The following GRIN2A variants were observed in gnomAD, a reference collection of about 807,000 sequenced individuals.
GRIN2A encodes the protein glutamate ionotropic receptor NMDA type subunit 2A, also known as glutamate receptor ionotropic, NMDA 2A.
A neutral mutation model predicts 113.4 loss-of-function variants in GRIN2A; 22 were observed. That is an observed-to-expected ratio of 0.19 (90% CI 0.14 to 0.28). The LOEUF (loss-of-function observed/expected upper bound fraction) is 0.28, where lower values mean the gene tolerates loss of function less well. GRIN2A is among the 10% of genes least tolerant of loss of function. The pLI, the probability that GRIN2A is intolerant of heterozygous loss-of-function variation, is 1.00. For synonymous variants in GRIN2A, 827 were observed against 738.4 expected (o/e 1.12, Z -1.94); for missense variants, 1,502 against 1,887.0 (o/e 0.80, Z 3.78).
chr16:9,944,408 C>T (rs2044966173), intron 2 of GRIN2A, among the ~76,000 whole-genome samples: 1 of 152,060 alleles, frequency 6.6e-6, no homozygotes, highest in Non-Finnish European at 1.5e-5. Flanking sequence ...ACTACTCCAC[C>T]ACCACCCACC....
intron 4 of GRIN2A, among the ~76,000 whole-genome samples, chr16:9,854,805 T>C (rs1250003806): frequency 1.3e-5 from 2 of 151,778 alleles, no homozygotes; most frequent in Non-Finnish European, 2.9e-5. Context: ...CTTCCAGGAG[T>C]AAGGTTTCAA....
chr16:9,790,515 G>A (rs967766650), intron 11 of GRIN2A, among the ~76,000 whole-genome samples: 8 of 152,164 alleles, frequency 5.3e-5, no homozygotes, highest in African/African-American at 1.9e-4. Flanking sequence ...GTGCATATAT[G>A]TGCCTCATAT....
intron 2 of GRIN2A, among the ~76,000 whole-genome samples, chr16:10,099,613 G>C (rs1162560327): frequency 6.6e-6 from 1 of 152,186 alleles, no homozygotes; most frequent in Non-Finnish European, 1.5e-5. Flanking sequence ...ATCTGCACCT[G>C]CTCTGTTAAG....
intron 2 of GRIN2A, among the ~76,000 whole-genome samples, chr16:10,083,423 G>A (rs2048021759): frequency 6.6e-6 from 1 of 152,210 alleles, no homozygotes; most frequent in South Asian, 2.1e-4. Context: ...AGTAAAGCCA[G>A]TTTGATCTCA....
At chr16:10,144,476 T>C (rs976245296) in intron 2 of GRIN2A, among the ~76,000 whole-genome samples, 2 of 152,242 alleles carry the variant, frequency 1.3e-5, no homozygotes, top group African/African-American at 4.8e-5. Flanking sequence ...GAATCATATA[T>C]TTCAAGTCCT....
intron 2 of GRIN2A, among the ~76,000 whole-genome samples, chr16:10,100,247 C>T (rs1343998930): frequency 2.0e-5 from 3 of 152,108 alleles, no homozygotes; most frequent in Non-Finnish European, 4.4e-5. Flanking sequence ...GCCATGAAAC[C>T]GTTTTCAGCA....
intron 2 of GRIN2A, among the ~76,000 whole-genome samples, chr16:9,987,719 C>A (rs1004950637): frequency 6.6e-6 from 1 of 152,136 alleles, no homozygotes; most frequent in Non-Finnish European, 1.5e-5. Flanking sequence ...CTCTGCACAG[C>A]CTATGTCAGA....
intron 9 of GRIN2A, among the ~76,000 whole-genome samples, chr16:9,826,235 T>A (rs1342497239): frequency 6.6e-6 from 1 of 152,146 alleles, no homozygotes; most frequent in African/African-American, 2.4e-5. Flanking sequence ...CCAGGTCCAT[T>A]TGACCCCAAA....
chr16:10,057,683 G>A (rs1851428078), intron 2 of GRIN2A, among the ~76,000 whole-genome samples: 1 of 152,088 alleles, frequency 6.6e-6, no homozygotes, highest in Non-Finnish European at 1.5e-5. Context: ...GATCAGGGAA[G>A]TATTGGGCTT....
At chr16:9,771,287 A>T (rs1596385544) in intron 11 of GRIN2A, among the ~76,000 whole-genome samples, 1 of 144,102 alleles carries the variant, frequency 6.9e-6, no homozygotes, top group Admixed American at 7.0e-5. Flanking sequence ...TAATATTTGC[A>T]TTCTTTTTTC....
chr16:10,098,391 G>A (rs2048334322), intron 2 of GRIN2A, among the ~76,000 whole-genome samples: 1 of 152,224 alleles, frequency 6.6e-6, no homozygotes, highest in Non-Finnish European at 1.5e-5. Flanking sequence ...GGAAAACAGT[G>A]TGGAGATAGC....
In GRIN2A at chr16:9,758,644, G is replaced by A. The variant is rs1900454711; in HGVS notation, c.*4505C>T. On this transcript the variant is annotated 3_prime_UTR_variant, in exon 13 of 13. Coordinates refer to ENST00000330684, the MANE Select transcript of GRIN2A (RefSeq NM_001134407.3). ...GTATATTATATACATGTGTACACAAGCAGTTGTATTCACAGGATAAGTGCA... is the reference window on the plus strand; with the variant it reads ...GTATATTATATACATGTGTACACAAACAGTTGTATTCACAGGATAAGTGCA... The A allele has an allele frequency of 4.7e-6, 1 of 213,450 alleles. No individual in the cohort carries two copies. Among genetic ancestry groups the A allele is most frequent in the South Asian group, 1.9e-4 (1 of 5,362 alleles). The allele number at this position is 213,450 out of a possible 1,614,324, so 13.2% of individuals were successfully genotyped here.
intron 3 of GRIN2A, among the ~76,000 whole-genome samples, chr16:9,892,150 G>A (rs1355287187): frequency 5.3e-5 from 8 of 152,246 alleles, no homozygotes; most frequent in African/African-American, 1.7e-4. Flanking sequence ...AGAATTGCTT[G>A]AACCCGGGAA....
At chr16:9,765,531 T>C (rs1900856994) in intron 12 of GRIN2A, among the ~76,000 whole-genome samples, 1 of 152,178 alleles carries the variant, frequency 6.6e-6, no homozygotes, top group Admixed American at 6.5e-5. Context: ...GGCATGAAAT[T>C]CATGTGAGGC....
At chr16:10,141,810 G>A (rs761412813) in intron 2 of GRIN2A, among the ~76,000 whole-genome samples, 1 of 152,232 alleles carries the variant, frequency 6.6e-6, no homozygotes, top group Non-Finnish European at 1.5e-5. Flanking sequence ...TTACAAATGA[G>A]ATACCAGAGC....
chr16:9,811,491 G>T (rs930737504), intron 10 of GRIN2A, among the ~76,000 whole-genome samples: 5 of 152,228 alleles, frequency 3.3e-5, no homozygotes, highest in African/African-American at 1.2e-4. Context: ...AGGTGTGGTG[G>T]CTCATGCCTG....
At chr16:10,009,342 G>C (rs2046460950) in intron 2 of GRIN2A, among the ~76,000 whole-genome samples, 3 of 152,156 alleles carry the variant, frequency 2.0e-5, no homozygotes, top group Admixed American at 6.5e-5. Flanking sequence ...AAACACAATA[G>C]AGTTGACACA....
intron 2 of GRIN2A, chr16:10,171,448 A>C (rs974713969): frequency 2.0e-5 from 3 of 152,256 alleles, no homozygotes; most frequent in Non-Finnish European, 2.9e-5. Context: ...GCAAAGGTCA[A>C]TGAGATAGTC....
intron 2 of GRIN2A, among the ~76,000 whole-genome samples, chr16:9,943,656 GAC>G (rs1176760776): frequency 8.5e-5 from 13 of 152,312 alleles, no homozygotes; most frequent in African/African-American, 2.9e-4. Context: ...TTCTCCTAAA[GAC>G]ACAGGATGAG....
Sources: gnomAD v4.1 joint callset for allele counts (sites outside exome capture counted in the v4.1 genomes callset) on GRCh38, gnomAD v4.1.1 for gene constraint, MANE v1.5 for transcripts, NCBI Gene and HGNC (gene_info 2026-07-23, HGNC 2026-07-21) for gene names.